KLF12: variants seen among roughly 807,000 people sequenced by gnomAD.
The protein encoded by KLF12 is Krueppel-like factor 12.
Under a neutral mutation model 37.8 loss-of-function variants are expected in KLF12, and 9 were observed. The observed-to-expected ratio is 0.24, with a 90% CI of 0.14 to 0.42. The LOEUF is 0.42. Ranked by LOEUF, KLF12 falls within the 10% of genes least tolerant of loss-of-function variation. The probability of loss-of-function intolerance (pLI) is 1.00; values close to 1 mark genes in which losing one functional copy is unlikely to be tolerated. For missense variants in KLF12, 411 were observed against 516.0 expected (o/e 0.80, Z 1.97); for synonymous variants, 208 against 202.1 (o/e 1.03, Z -0.25).
At chr13:74,185,794 G>T in the KLF12 span, among the ~76,000 whole-genome samples, 1 of 152,100 alleles carries the variant, frequency 6.6e-6, no homozygotes, top group African/African-American at 2.4e-5. Context: ...TTACAGCCAC[G>T]TGCCAGCACA....
At chr13:74,294,667 T>C in the KLF12 span, among the ~76,000 whole-genome samples, 16 of 152,250 alleles carry the variant, frequency 1.1e-4, no homozygotes, top group Non-Finnish European at 2.2e-4. Flanking sequence ...GTGCCTGGCC[T>C]CTTCCACATG....
Position 73,999,471 on chromosome 13 carries a change from C to T in KLF12, c.-31-4418G>A, listed in dbSNP as rs888561850. Among the ~76,000 whole-genome samples, 9 of 152,272 alleles carry T rather than the reference C, an allele frequency of 5.9e-5. No homozygotes were observed. In the Middle Eastern group the frequency reaches 0.01, roughly 174 times the overall value. On this transcript the variant is annotated intron_variant, in intron 1 of 7. Coordinates refer to ENST00000377669, the MANE Select transcript of KLF12 (RefSeq NM_007249.5). ...GGCATAGGCCGGGCACAGTGGCTCACGCCTGTAATCCTAGTACTTTGGGAG... is the reference window on the plus strand; with the variant it reads ...GGCATAGGCCGGGCACAGTGGCTCATGCCTGTAATCCTAGTACTTTGGGAG...
At chr13:73,724,284 C>T (rs890210265) in intron 6 of KLF12, among the ~76,000 whole-genome samples, 1 of 152,166 alleles carries the variant, frequency 6.6e-6, no homozygotes, top group Non-Finnish European at 1.5e-5. Context: ...CAAACTAACA[C>T]AGGAACAGAA....
the KLF12 span, among the ~76,000 whole-genome samples, chr13:74,243,375 T>C: frequency 6.6e-6 from 1 of 152,186 alleles, no homozygotes; most frequent in East Asian, 1.9e-4. Context: ...TTGGGTTGGT[T>C]CTAAGTCTTT....
intron 7 of KLF12, among the ~76,000 whole-genome samples, chr13:73,706,345 T>G (rs945350695): frequency 3.3e-5 from 5 of 152,220 alleles, no homozygotes; most frequent in African/African-American, 1.2e-4. Context: ...TATTTTTAAT[T>G]GATAGGTTTA....
chr13:73,808,151 T>C (rs753215856), intron 5 of KLF12, among the ~76,000 whole-genome samples: 7 of 152,138 alleles, frequency 4.6e-5, no homozygotes, highest in Non-Finnish European at 8.8e-5. Context: ...TTTGTCAAGT[T>C]GTTAAGGGTA....
At chr13:74,145,695 A>G in the KLF12 span, among the ~76,000 whole-genome samples, 1 of 152,208 alleles carries the variant, frequency 6.6e-6, no homozygotes, top group South Asian at 2.1e-4. Context: ...GTAATCAAGC[A>G]GCAAATAAAT....
chr13:74,241,544 TCGCTGC>T, the KLF12 span, among the ~76,000 whole-genome samples: 11 of 152,178 alleles, frequency 7.2e-5, no homozygotes, highest in Non-Finnish European at 1.3e-4. Context: ...TCCCCCAGCC[TCGCTGC>T]CGCTGCTGCC....
At position 73,845,837 on chromosome 13, in the gene KLF12, G is replaced by T. The variant is rs919775332; in HGVS notation, c.660C>A (p.Gly220=). The change falls in exon 4 of 8, where the codon GGC becomes GGA. Residue 220 remains glycine (G), a synonymous_variant. Transcript: ENST00000377669. ...GTTTATGTCTCTTACCTTTGCCATG[G>T]CCTCTCCCATCCTCCAAAAGCGGCA... The T allele has an allele frequency of 1.9e-6, 3 of 1,612,932 alleles. No homozygotes were observed. The highest frequency in any genetic ancestry group is 1.1e-5 in the South Asian group (1 of 90,988).
At chr13:73,843,514 G>T (rs1461606398) in intron 4 of KLF12, among the ~76,000 whole-genome samples, 1 of 151,820 alleles carries the variant, frequency 6.6e-6, no homozygotes, top group Non-Finnish European at 1.5e-5. Flanking sequence ...TCAAAATGTT[G>T]GCCAGGCTGG....
At chr13:73,793,371 T>A (rs947064272) in intron 5 of KLF12, among the ~76,000 whole-genome samples, 2 of 152,224 alleles carry the variant, frequency 1.3e-5, no homozygotes, top group African/African-American at 4.8e-5. Flanking sequence ...ATAACTGCAA[T>A]TTTTAAAAAA....
upstream of KLF12, among the ~76,000 whole-genome samples, chr13:74,138,816 A>G (rs1461026373): frequency 6.6e-6 from 1 of 152,192 alleles, no homozygotes. Flanking sequence ...GTTGGCACAA[A>G]TTAGTTACAA....
intron 1 of KLF12, among the ~76,000 whole-genome samples, chr13:74,022,677 A>AC (rs994107153): frequency 1.2e-4 from 18 of 152,054 alleles, no homozygotes; most frequent in African/African-American, 4.3e-4. Flanking sequence ...CCAAAAAAAA[A>AC]AAAAAAATTG....
intron 1 of KLF12, among the ~76,000 whole-genome samples, chr13:74,117,338 G>A (rs1423212087): frequency 6.6e-6 from 1 of 152,190 alleles, no homozygotes; most frequent in African/African-American, 2.4e-5. Context: ...ACAAGGGGAT[G>A]TCACTGGGCC....
At chr13:74,285,212 G>A in the KLF12 span, among the ~76,000 whole-genome samples, 1 of 151,584 alleles carries the variant, frequency 6.6e-6, no homozygotes, top group African/African-American at 2.4e-5. Flanking sequence ...GGAGAATTTG[G>A]CTTCTTGTTA....
intron 1 of KLF12, among the ~76,000 whole-genome samples, chr13:74,099,437 C>T (rs1245886984): frequency 6.6e-6 from 1 of 152,182 alleles, no homozygotes; most frequent in African/African-American, 2.4e-5. Flanking sequence ...TCTCATTTTG[C>T]TCAGAAACAT....
chr13:73,938,071 G>A lies in KLF12; in HGVS notation c.123+5910C>T, dbSNP rs185578972. On this transcript the variant is annotated intron_variant, in intron 3 of 7. Coordinates refer to ENST00000377669, the MANE Select transcript of KLF12 (RefSeq NM_007249.5). ...ATGATAAGCAAACTCGTATTTCCAA[G>A]ATAATTCTACCAATTTAGTCAAACG... Among the ~76,000 whole-genome samples the A allele has an allele frequency of 3.3e-3, 496 of 152,270 alleles. 6 individuals carry two copies. Among genetic ancestry groups the A allele is most frequent in the Non-Finnish European group, 8.2e-4 (56 of 68,028 alleles).
intron 1 of KLF12, among the ~76,000 whole-genome samples, chr13:74,120,098 C>T (rs1052488828): frequency 1.2e-4 from 18 of 152,116 alleles, no homozygotes; most frequent in African/African-American, 4.1e-4. Context: ...TGAATACCCA[C>T]CTAAAACACT....
intron 4 of KLF12, among the ~76,000 whole-genome samples, chr13:73,820,825 C>T (rs1027096866): frequency 3.3e-5 from 5 of 152,214 alleles, no homozygotes; most frequent in Non-Finnish European, 7.3e-5. Context: ...TTGGACCTCT[C>T]TACAGTTTTC....
Sources: allele counts gnomAD v4.1 joint callset (sites outside exome capture counted in the v4.1 genomes callset), GRCh38; gene constraint gnomAD v4.1.1; transcripts MANE v1.5; gene names NCBI Gene and HGNC (gene_info 2026-07-23, HGNC 2026-07-21).